The following KLF8 variants were observed in gnomAD, a reference collection of about 807,000 sequenced individuals.
KLF8 encodes the protein Krueppel-like factor 8.
Under a neutral mutation model 18.2 loss-of-function variants are expected in KLF8, and 10 were observed. The ratio of observed to expected loss-of-function variants is 0.55; its 90% confidence interval spans 0.34 to 0.93. The LOEUF is 0.93. KLF8 is among the 40% of genes least tolerant of loss of function. KLF8 has a pLI of 0.02. For missense variants in KLF8, 264 were observed against 277.9 expected (o/e 0.95, Z 0.36); for synonymous variants, 109 against 97.3 (o/e 1.12, Z -0.71).
chrX:55,931,349 G>GT, the KLF8 span, among the ~76,000 whole-genome samples: 4 of 111,501 alleles, frequency 3.6e-5, no homozygotes, highest in East Asian at 2.8e-4. Flanking sequence ...TTTTTGAAGG[G>GT]TTTTTTGTAT....
the KLF8 span, among the ~76,000 whole-genome samples, chrX:55,925,157 G>A: frequency 1.1e-5 from 1 of 91,152 alleles, no homozygotes; most frequent in Non-Finnish European, 2.1e-5. Context: ...CACCACACCC[G>A]GCCTGGTGGT....
chrX:56,034,478 C>T, the KLF8 span, among the ~76,000 whole-genome samples: 1 of 110,752 alleles, frequency 9.0e-6, no homozygotes, highest in Non-Finnish European at 1.9e-5. Flanking sequence ...CTGAAGTTTG[C>T]CTTGGCTATT....
the KLF8 span, among the ~76,000 whole-genome samples, chrX:55,979,242 G>T: frequency 8.9e-6 from 1 of 112,060 alleles, no homozygotes; most frequent in East Asian, 2.8e-4. Context: ...ACTGTTTGGA[G>T]TGGTGTGATG....
the KLF8 span, among the ~76,000 whole-genome samples, chrX:56,178,204 C>A: frequency 2.7e-5 from 3 of 112,299 alleles, no homozygotes; most frequent in East Asian, 8.4e-4. Flanking sequence ...ACGCTGGGAG[C>A]TGTAGCGATT....
the KLF8 span, among the ~76,000 whole-genome samples, chrX:55,968,887 C>A: frequency 9.0e-6 from 1 of 111,608 alleles, no homozygotes; most frequent in South Asian, 3.7e-4. Context: ...ATAAGGTGGT[C>A]AATTCAGCAG....
chrX:55,924,132 C>T, the KLF8 span, among the ~76,000 whole-genome samples: 2 of 111,723 alleles, frequency 1.8e-5, no homozygotes, highest in Non-Finnish European at 3.8e-5. Flanking sequence ...TGCAGTGGCG[C>T]GATCTCAGCT....
the KLF8 span, among the ~76,000 whole-genome samples, chrX:55,917,947 A>T: frequency 8.9e-5 from 10 of 112,245 alleles, no homozygotes; most frequent in African/African-American, 3.2e-4. Context: ...AATTAACACC[A>T]GAGCCCTTGC....
chrX:55,958,656 G>A, the KLF8 span, among the ~76,000 whole-genome samples: 3 of 112,201 alleles, frequency 2.7e-5, no homozygotes, highest in African/African-American at 9.7e-5. Context: ...GAATAGAAAT[G>A]GAATGACTAA....
chrX:56,157,008 G>A, the KLF8 span, among the ~76,000 whole-genome samples: 1 of 108,517 alleles, frequency 9.2e-6, no homozygotes, highest in Non-Finnish European at 1.9e-5. Flanking sequence ...TGATAGACTG[G>A]ATTAAGAAAA....
the KLF8 span, among the ~76,000 whole-genome samples, chrX:56,006,656 C>T: frequency 4.5e-5 from 5 of 112,313 alleles, no homozygotes; most frequent in Admixed American, 2.8e-4. Context: ...AATGTTTATT[C>T]GGATTATTTG....
At chrX:55,992,768 G>A in the KLF8 span, among the ~76,000 whole-genome samples, 551 of 111,525 alleles carry the variant, frequency 4.9e-3, 4 homozygotes, top group African/African-American at 0.017. Context: ...TAATCTCTGA[G>A]TCCTTTGAGC....
At chrX:55,989,303 A>C in the KLF8 span, among the ~76,000 whole-genome samples, 1 of 112,184 alleles carries the variant, frequency 8.9e-6, no homozygotes, top group African/African-American at 3.2e-5. Context: ...GAATGCTTCC[A>C]GTTTTTGCCC....
At chrX:55,992,512 C>T in the KLF8 span, among the ~76,000 whole-genome samples, 1 of 111,628 alleles carries the variant, frequency 9.0e-6, no homozygotes, top group African/African-American at 3.3e-5. Context: ...CTTGTAATAC[C>T]ATTTAAGTCA....
At chrX:56,077,676 A>T in the KLF8 span, among the ~76,000 whole-genome samples, 1 of 111,793 alleles carries the variant, frequency 8.9e-6, no homozygotes, top group East Asian at 2.8e-4. Context: ...CAATTCTGTG[A>T]AGAAAGTCAT....
the KLF8 span, among the ~76,000 whole-genome samples, chrX:56,071,121 G>T: frequency 9.0e-6 from 1 of 111,605 alleles, no homozygotes; most frequent in Non-Finnish European, 1.9e-5. Flanking sequence ...ATAGCTCATA[G>T]GATTGTAATA....
At chrX:56,125,449 T>C in the KLF8 span, among the ~76,000 whole-genome samples, 2 of 112,300 alleles carry the variant, frequency 1.8e-5, no homozygotes, top group African/African-American at 3.2e-5. Context: ...TGTGTTCCAA[T>C]CTACATGTAA....
intron 2 of KLF8, among the ~76,000 whole-genome samples, chrX:56,253,690 C>T (rs181298706): frequency 9.4e-6 from 1 of 106,220 alleles, no homozygotes; most frequent in East Asian, 3.0e-4. Context: ...AGGCTATTCT[C>T]GGTATTTGTG....
chrX:56,269,633 T>C (rs1213935270), intron 4 of KLF8, 144 bp downstream of exon 4: 6 of 983,509 alleles, frequency 6.1e-6, no homozygotes, highest in Non-Finnish European at 7.8e-6. Flanking sequence ...AGACTGCCTT[T>C]CCAGTGAAAG....
chrX:56,074,544 A>G, the KLF8 span: 1 of 112,607 alleles, frequency 8.9e-6, no homozygotes, highest in East Asian at 2.8e-4. Context: ...TGAAAAGATT[A>G]TCTTTTTACT....
Sources: gnomAD v4.1 joint callset for allele counts (sites outside exome capture counted in the v4.1 genomes callset) on GRCh38, gnomAD v4.1.1 for gene constraint, MANE v1.5 for transcripts, NCBI Gene and HGNC (gene_info 2026-07-23, HGNC 2026-07-21) for gene names.